Variants in G6PC3 observed in about 807,000 individuals in gnomAD.
G6PC3 encodes the protein glucose-6-phosphatase 3.
A neutral mutation model predicts 38.6 loss-of-function variants in G6PC3; 30 were observed. The ratio of observed to expected loss-of-function variants is 0.78; its 90% CI spans 0.58 to 1.05. G6PC3 has a LOEUF of 1.05. Among genes scored for constraint, G6PC3 ranks in the 50% least tolerant of loss-of-function variants. The probability of loss-of-function intolerance (pLI) is 0.00; values close to 1 mark genes in which losing one functional copy is unlikely to be tolerated. For synonymous variants in G6PC3, 192 were observed against 178.1 expected (o/e 1.08, Z -0.62); for missense variants, 377 against 443.1 (o/e 0.85, Z 1.34).
At chr17:44,074,004 G>C (rs888383658) in intron 1 of G6PC3, 156 bp from the exon 2 acceptor site, 31 of 743,394 alleles carry the variant, frequency 4.2e-5, no homozygotes, top group East Asian at 1.7e-4. Context: ...ACCATGGCAA[G>C]GTATCCATGG....
chr17:44,071,051 T>G lies in G6PC3; in HGVS notation c.86T>G (p.Ile29Ser). ...LAWLENVWLW[I>S]TFLGDPKILF... is the part of the protein sequence containing the mutation. ...TGGCTGGAGAACGTGTGGCTCTGGA[T>G]CACCTTTCTGGGCGATCCCAAGATC... The change falls in exon 1 of 6, where the codon ATC becomes AGC. Residue 29 changes from isoleucine to serine, a missense_variant. By Grantham distance (142) the Ile-to-Ser change is moderately radical. Transcript: ENST00000269097. 6.2e-7 allele frequency: 1 copy of G among 1,606,296 alleles called. No homozygotes were observed. The highest frequency in any genetic ancestry group is 1.1e-5 in the South Asian group (1 of 89,616).
intron 5 of G6PC3, 87 bp from the exon 6 acceptor site, chr17:44,075,593 T>C: frequency 6.2e-7 from 1 of 1,602,348 alleles, no homozygotes; most frequent in Non-Finnish European, 8.5e-7. Flanking sequence ...AAACAGAACA[T>C]GGGAGTGGGC....
chr17:44,071,807 C>T (rs1360150512), intron 1 of G6PC3: 1 of 464,396 alleles, frequency 2.2e-6, no homozygotes, highest in South Asian at 1.5e-5. Context: ...TAACAAGGTT[C>T]CCAGGTGATT....
chr17:44,070,848 C>T lies in G6PC3; in HGVS notation c.-118C>T, dbSNP rs1022521698. The T allele has an allele frequency of 6.0e-6, 7 of 1,157,794 alleles. No individual in the cohort carries two copies. The East Asian group carries it at 1.8e-4, about 30-fold the overall frequency. 71.7% of individuals were successfully genotyped at this position (1,157,794 alleles called of 1,614,324 possible). A position where few individuals can be genotyped will look rare whatever the true frequency, so the allele number is the denominator to read the frequency against. ...GGCTTGGTGGTGACCGCTGGCGGGG[C>T]GGGGCCTGGGGCTCAGAGGGGTGGG... On this transcript the variant is annotated 5_prime_UTR_variant, in exon 1 of 6. Transcript: ENST00000269097.
chr17:44,072,325 CTTTTT>C (rs34884597), intron 1 of G6PC3: 23 of 98,896 alleles, frequency 2.3e-4, no homozygotes, highest in South Asian at 2.0e-3. Flanking sequence ...TTCATTTTCT[CTTTTT>C]TTTTTTTTTT....
chr17:44,071,423 G>C, intron 1 of G6PC3: 1 of 685,024 alleles, frequency 1.5e-6, no homozygotes, highest in Non-Finnish European at 2.4e-6. Flanking sequence ...CACCTAAGGG[G>C]CGTGTCTAAA....
chr17:44,071,810 A>T (rs1394076343), intron 1 of G6PC3: 2 of 462,750 alleles, frequency 4.3e-6, no homozygotes, highest in African/African-American at 2.0e-5. Context: ...CAAGGTTCCC[A>T]GGTGATTCCC....
intron 1 of G6PC3, chr17:44,071,465 C>G: frequency 6.4e-6 from 4 of 626,948 alleles, no homozygotes; most frequent in Non-Finnish European, 1.0e-5. Flanking sequence ...CTCACACTTA[C>G]TAATTTAGAA....
rs1042578271 is a variant in G6PC3 at position 44,070,892 on chromosome 17, C to T, written c.-74C>T. The T allele has an allele frequency of 5.3e-6, 8 of 1,508,960 alleles. No individual in the cohort carries two copies. In the Admixed American group the frequency reaches 7.9e-5, roughly 15 times the overall value. 93.5% of individuals were successfully genotyped at this position (1,508,960 alleles called of 1,614,324 possible). ...GGGTGGGCTTTGGAGATCAGAGGGT[C>T]GACGCTGCTTCGTTGCCTGGACTCT... On this transcript the variant is annotated 5_prime_UTR_variant, in exon 1 of 6. Coordinates refer to ENST00000269097, the MANE Select transcript of G6PC3 (RefSeq NM_138387.4).
chr17:44,075,114 CT>C, intron 4 of G6PC3, 27 bp downstream of exon 4: 1 of 1,574,316 alleles, frequency 6.4e-7, no homozygotes, highest in Non-Finnish European at 8.7e-7. Flanking sequence ...ACGGGGTGGA[CT>C]GAGAGGATGC....
rs560767207 is a variant in G6PC3 at position 44,075,456 on chromosome 17, G to T, written c.677+5G>T. On this transcript the variant is annotated splice_donor_5th_base_variant and intron_variant, in intron 5 of 5. Transcript: ENST00000269097. ...ACTGGGCCTGGATCTTTCTTGGTAAGTCTCGCTTTGAAGCCTGGGCAGGCT... is the reference window on the plus strand; with the variant it reads ...ACTGGGCCTGGATCTTTCTTGGTAATTCTCGCTTTGAAGCCTGGGCAGGCT... The T allele has an allele frequency of 1.2e-6, 2 of 1,614,016 alleles. No homozygotes were observed. Among genetic ancestry groups the T allele is most frequent in the Admixed American group, 3.3e-5 (2 of 60,000 alleles).
chr17:44,074,019 C>T lies in G6PC3; in HGVS notation c.219-141C>T. 3 of 769,338 alleles carry T rather than the reference C, an allele frequency of 3.9e-6. No individual in the cohort carries two copies. In the South Asian group the frequency reaches 4.1e-5, roughly 11 times the overall value. 47.7% of individuals were successfully genotyped at this position (769,338 alleles called of 1,614,324 possible). A position where few individuals can be genotyped will look rare whatever the true frequency, so the allele number is the denominator to read the frequency against. On this transcript the variant is annotated intron_variant, in intron 1 of 5. Coordinates refer to ENST00000269097, the MANE Select transcript of G6PC3 (RefSeq NM_138387.4). ...ACCATGGCAAGGTATCCATGGATAC[C>T]TTGAGAGCAGTGGACAGAATCGTAG...
At chr17:44,074,313 G>A (rs916193282) in intron 2 of G6PC3, 47 bp downstream of exon 2, 32 of 1,412,358 alleles carry the variant, frequency 2.3e-5, no homozygotes, top group Middle Eastern at 1.8e-4. Context: ...GTTAGGGTTC[G>A]GGTGAACATT....
chr17:44,076,147 C>A lies in G6PC3; in HGVS notation c.*104C>A. On this transcript the variant is annotated 3_prime_UTR_variant, in exon 6 of 6. Coordinates refer to ENST00000269097, the MANE Select transcript of G6PC3 (RefSeq NM_138387.4). ...TCCCCTTCCAGCCCCTAAGTAGGCC[C>A]TCCCCTCCCTAAATCTGCTTCCGCA... 1.4e-6 allele frequency: 2 copies of A among 1,444,266 alleles called. No homozygotes were observed. Among genetic ancestry groups the A allele is most frequent in the African/African-American group, 1.4e-5 (1 of 71,956 alleles). The allele number at this position is 1,444,266 out of a possible 1,614,324, so 89.5% of individuals were successfully genotyped here.
chr17:44,075,131 GC>G (rs751492655), intron 4 of G6PC3, 44 bp downstream of exon 4: 1 of 1,541,076 alleles, frequency 6.5e-7, no homozygotes, highest in Non-Finnish European at 9.0e-7. Context: ...GATGCCTTTG[GC>G]AGTGGGAGGA....
At chr17:44,074,864 T>G in intron 3 of G6PC3, 94 bp downstream of exon 3, 1 of 1,484,572 alleles carries the variant, frequency 6.7e-7, no homozygotes, top group Non-Finnish European at 9.4e-7. Context: ...AGCTGGAGTT[T>G]TGGGGACCCT....
Position 44,075,312 on chromosome 17 carries a change from G to A in G6PC3, c.538G>A (p.Ala180Thr), listed in dbSNP as rs1567970169. The A allele has an allele frequency of 6.2e-6, 10 of 1,614,130 alleles. No individual in the cohort carries two copies. Among genetic ancestry groups the A allele is most frequent in the South Asian group, 1.1e-5 (1 of 91,076 alleles). ...CTGTTGTCACTCCACTCTCCTAGGCGCTGTCCTGGGCTGGCTGATGACTCC... is the reference window on the plus strand; with the variant it reads ...CTGTTGTCACTCCACTCTCCTAGGCACTGTCCTGGGCTGGCTGATGACTCC... ...HQVLAGLITG[A>T]VLGWLMTPRV... The change falls in exon 5 of 6, where the codon GCT becomes ACT. Residue 180 changes from alanine (A) to threonine (T), a missense_variant and splice_region_variant. By Grantham distance (58) the Ala-to-Thr change is moderately conservative. Transcript: ENST00000269097.
At chr17:44,071,497 A>T (rs2049977959) in intron 1 of G6PC3, 8 of 599,934 alleles carry the variant, frequency 1.3e-5, no homozygotes, top group Non-Finnish European at 2.1e-5. Flanking sequence ...TTGGGAATTT[A>T]TTTTTTATTT....
intron 5 of G6PC3, 92 bp from the exon 6 acceptor site, chr17:44,075,588 G>A (rs948457980): frequency 6.2e-7 from 1 of 1,601,918 alleles, no homozygotes; most frequent in Middle Eastern, 1.7e-4. Flanking sequence ...GCACAAAACA[G>A]AACATGGGAG....
Sources: allele counts gnomAD v4.1 joint callset, GRCh38; gene constraint gnomAD v4.1.1; transcripts MANE v1.5; gene names NCBI Gene and HGNC (gene_info 2026-07-23, HGNC 2026-07-21).